SLC16A12: variants seen among roughly 807,000 people sequenced by gnomAD.
The protein encoded by SLC16A12 is monocarboxylate transporter 12.
In SLC16A12, 17 loss-of-function variants were observed where a neutral mutation model predicts 42.4. The ratio of observed to expected loss-of-function variants is 0.40; its 90% CI spans 0.27 to 0.60. The LOEUF (loss-of-function observed/expected upper bound fraction) is 0.60. Ranked by LOEUF, SLC16A12 falls within the 20% of genes least tolerant of loss-of-function variation. The pLI, the probability that SLC16A12 is intolerant of heterozygous loss-of-function variation, is 0.42. For missense variants in SLC16A12, 544 were observed against 623.0 expected, an observed-to-expected ratio of 0.87 and a Z score of 1.35; for synonymous variants, 224 against 229.4, an observed-to-expected ratio of 0.98 and a Z score of 0.21.
chr10:89,443,390 G>A lies in SLC16A12; in HGVS notation c.304+366C>T, dbSNP rs898215598. On this transcript the variant is annotated intron_variant, in intron 4 of 7. Coordinates refer to ENST00000371790, the MANE Select transcript of SLC16A12 (RefSeq NM_213606.4). ...ATAACTATTTACACAACTTGAGAAT[G>A]AGAAGGCCATAGCATTTGGAAGAGA... Among the ~76,000 whole-genome samples, 3 of 152,314 alleles carry A rather than the reference G, an allele frequency of 2.0e-5. No individual in the cohort carries two copies. The East Asian group carries it at 5.8e-4, about 29-fold the overall frequency.
At chr10:89,547,436 C>T (rs1274187268) in intron 2 of SLC16A12, among the ~76,000 whole-genome samples, 4 of 152,146 alleles carry the variant, frequency 2.6e-5, no homozygotes, top group African/African-American at 9.7e-5. Flanking sequence ...TAGCTAAATC[C>T]AGTACAAATA....
At chr10:89,447,027 G>T (rs1160567956) in intron 3 of SLC16A12, among the ~76,000 whole-genome samples, 1 of 152,120 alleles carries the variant, frequency 6.6e-6, no homozygotes, top group African/African-American at 2.4e-5. Flanking sequence ...ATTACATAAT[G>T]GTAAAGGGAT....
chr10:89,519,137 A>G (rs780124945), intron 2 of SLC16A12, among the ~76,000 whole-genome samples: 9 of 152,250 alleles, frequency 5.9e-5, no homozygotes, highest in South Asian at 2.1e-4. Context: ...AAGTCTTGTC[A>G]CTTTCACTAC....
rs573112923 is a variant in SLC16A12, at chr10:89,551,975, G to A, written c.-47+3907C>T. Among the ~76,000 whole-genome samples the A allele has an allele frequency of 8.5e-4, 129 of 152,160 alleles. 1 individual carries two copies. Among genetic ancestry groups the A allele is most frequent in the Non-Finnish European group, 1.1e-3 (72 of 68,008 alleles). ...TTTTGAGACAGAGTCTCGCCCTGTC[G>A]TCCAGGCTGGAGCGCAGTGGTGTGA... On this transcript the variant is annotated intron_variant, in intron 2 of 2. Transcript: ENST00000475682.
intron 3 of SLC16A12, among the ~76,000 whole-genome samples, chr10:89,459,046 A>G (rs1448789965): frequency 1.3e-5 from 2 of 152,272 alleles, no homozygotes; most frequent in Non-Finnish European, 2.9e-5. Flanking sequence ...AAAGTTGAAG[A>G]GCACTCAGGA....
intron 2 of SLC16A12, among the ~76,000 whole-genome samples, chr10:89,480,410 A>G (rs1842645585): frequency 6.6e-6 from 1 of 152,228 alleles, no homozygotes; most frequent in Admixed American, 6.5e-5. Flanking sequence ...ATGGCAAAAT[A>G]CATGTAAAAG....
chr10:89,459,567 A>G (rs1228418497), intron 3 of SLC16A12, among the ~76,000 whole-genome samples: 1 of 135,732 alleles, frequency 7.4e-6, no homozygotes, highest in African/African-American at 2.5e-5. Flanking sequence ...GAGTCAATGG[A>G]TTATGAATGT....
At chr10:89,555,507 A>ATATATACG (rs1843805645) in intron 2 of SLC16A12, among the ~76,000 whole-genome samples, 1 of 143,980 alleles carries the variant, frequency 6.9e-6, no homozygotes, top group Non-Finnish European at 1.5e-5. Context: ...GTATATACGT[A>ATATATACG]TATATATGTA....
At chr10:89,515,109 CAA>C (rs1843226744) in intron 2 of SLC16A12, among the ~76,000 whole-genome samples, 1 of 27,332 alleles carries the variant, frequency 3.7e-5, no homozygotes, top group Non-Finnish European at 6.9e-5. Flanking sequence ...AGAAGCAAAA[CAA>C]AACAAAACAA....
chr10:89,527,285 C>A (rs1843469807), intron 2 of SLC16A12, among the ~76,000 whole-genome samples: 2 of 151,920 alleles, frequency 1.3e-5, no homozygotes, highest in Non-Finnish European at 2.9e-5. Flanking sequence ...AAGTTTGAGA[C>A]CAGCCTGACC....
At chr10:89,513,592 TA>T (rs1427443515) in intron 2 of SLC16A12, among the ~76,000 whole-genome samples, 1 of 152,234 alleles carries the variant, frequency 6.6e-6, no homozygotes, top group Non-Finnish European at 1.5e-5. Flanking sequence ...AATATATTTA[TA>T]AAATGTATAC....
At chr10:89,534,216 G>A (rs2133875168) in intron 2 of SLC16A12, among the ~76,000 whole-genome samples, 1 of 152,304 alleles carries the variant, frequency 6.6e-6, no homozygotes, top group Non-Finnish European at 1.5e-5. Context: ...TGGGGGCGCA[G>A]GGGGTGGAGG....
At chr10:89,440,073 C>CAAAAAAAAAAAA (rs10674171) in intron 5 of SLC16A12, among the ~76,000 whole-genome samples, 3 of 31,428 alleles carry the variant, frequency 9.5e-5, no homozygotes, top group African/African-American at 3.6e-4. Flanking sequence ...GACCCTGTCT[C>CAAAAAAAAAAAA]AAAAAAAAAA....
intron 2 of SLC16A12, among the ~76,000 whole-genome samples, chr10:89,509,171 G>A (rs1014380511): frequency 8.5e-5 from 13 of 152,286 alleles, no homozygotes; most frequent in Middle Eastern, 3.4e-3. Context: ...GAGTTATAAA[G>A]AGGAGCTGGT....
intron 2 of SLC16A12, among the ~76,000 whole-genome samples, chr10:89,541,167 C>G (rs1269144569): frequency 6.6e-6 from 1 of 151,806 alleles, no homozygotes; most frequent in African/African-American, 2.4e-5. Context: ...ACCTCGTGAT[C>G]CGCCCGCCTC....
rs554176842 is a variant in SLC16A12, at chr10:89,493,708, C to T, written c.-46-31084G>A. Among the ~76,000 whole-genome samples the T allele has an allele frequency of 3.9e-5, 6 of 152,270 alleles. No homozygotes were observed. In the South Asian group the frequency reaches 1.2e-3, roughly 32 times the overall value. On this transcript the variant is annotated intron_variant, in intron 2 of 7. Transcript: ENST00000371790. ...CCTCTTCCTTCCTCGGATTGGCTCC[C>T]CTTTCCATATAGTTATACTACCAGT...
intron 5 of SLC16A12, among the ~76,000 whole-genome samples, chr10:89,439,934 G>A (rs1841876236): frequency 6.6e-6 from 1 of 151,674 alleles, no homozygotes; most frequent in Non-Finnish European, 1.5e-5. Context: ...AATTAACCAG[G>A]TGTGGTGGCA....
In SLC16A12 at chr10:89,432,010, T is replaced by A. The variant is rs773914112; in HGVS notation, c.*1054A>T. 1.1e-4 allele frequency: 17 copies of A among 152,550 alleles called. No homozygotes were observed. Among genetic ancestry groups the A allele is most frequent in the Admixed American group, 9.8e-4 (15 of 15,288 alleles). 9.4% of individuals were successfully genotyped at this position (152,550 alleles called of 1,614,324 possible). ...TTTTCAGACAACTGACTCCCTCCAATCCTCTTTTGGGTAATGATAAAACTA... is the reference window on the plus strand; with the variant it reads ...TTTTCAGACAACTGACTCCCTCCAAACCTCTTTTGGGTAATGATAAAACTA... On this transcript the variant is annotated 3_prime_UTR_variant, in exon 8 of 8. Coordinates refer to ENST00000371790, the MANE Select transcript of SLC16A12 (RefSeq NM_213606.4).
intron 4 of SLC16A12, among the ~76,000 whole-genome samples, chr10:89,442,692 C>G (rs2133695832): frequency 6.6e-6 from 1 of 152,278 alleles, no homozygotes; most frequent in Non-Finnish European, 1.5e-5. Flanking sequence ...TTAGCCTTCT[C>G]ATGAAACCTG....
Sources: gnomAD v4.1 joint callset for allele counts (sites outside exome capture counted in the v4.1 genomes callset) on GRCh38, gnomAD v4.1.1 for gene constraint, MANE v1.5 for transcripts, NCBI Gene and HGNC (gene_info 2026-07-23, HGNC 2026-07-21) for gene names.